Variants in ADK observed in about 807,000 individuals in gnomAD.
ADK encodes the protein adenosine kinase.
Under a neutral mutation model 44.7 loss-of-function variants are expected in ADK, and 24 were observed. That is an observed-to-expected ratio of 0.54 (90% CI 0.39 to 0.76). ADK has a LOEUF of 0.76. ADK is among the 30% of genes least tolerant of loss of function. The pLI is 0.00. For synonymous variants in ADK, 128 were observed against 142.6 expected (o/e 0.90, Z 0.73); for missense variants, 321 against 425.1 (o/e 0.76, Z 2.15).
Position 74,438,232 on chromosome 10 carries a change from C to CTT in ADK, c.555+39665_555+39666dup, listed in dbSNP as rs796123870. On this transcript the variant is annotated intron_variant, in intron 6 of 10. Transcript: ENST00000539909. ...AGGTAAGGTCCTTGCCTCTCTCTCT[C>CTT]TTTTTTTTTTTTTGAGACAGTCTCC... 6.0e-4 allele frequency among the ~76,000 whole-genome samples: 86 copies of CTT among 142,824 alleles called. 1 individual carries two copies. Among genetic ancestry groups the CTT allele is most frequent in the African/African-American group, 1.8e-3 (68 of 38,638 alleles). The allele number at this position is 142,824 out of a possible 152,430, so 93.7% of individuals were successfully genotyped here.
At chr10:74,191,760 C>T (rs1479389387) in intron 1 of ADK, among the ~76,000 whole-genome samples, 1 of 152,118 alleles carries the variant, frequency 6.6e-6, no homozygotes, top group Non-Finnish European at 1.5e-5. Context: ...TAACTATAGA[C>T]GTTATTAGAA....
At chr10:74,581,945 C>CT (rs1202009607) in intron 7 of ADK, among the ~76,000 whole-genome samples, 1 of 152,156 alleles carries the variant, frequency 6.6e-6, no homozygotes. Flanking sequence ...CAATTACCTG[C>CT]TGTATGGCCT....
intron 10 of ADK, among the ~76,000 whole-genome samples, chr10:74,687,954 C>A (rs1855853155): frequency 6.6e-6 from 1 of 152,184 alleles, no homozygotes; most frequent in African/African-American, 2.4e-5. Flanking sequence ...TTATTTCATT[C>A]CCCTGCTTAC....
chr10:74,424,752 C>T (rs1844730722), intron 6 of ADK, among the ~76,000 whole-genome samples: 1 of 151,966 alleles, frequency 6.6e-6, no homozygotes, highest in Admixed American at 6.6e-5. Context: ...TTCTTCAGAT[C>T]TATCTTCCGA....
chr10:74,501,767 A>G (rs917580072), intron 6 of ADK, among the ~76,000 whole-genome samples: 7 of 152,314 alleles, frequency 4.6e-5, no homozygotes, highest in African/African-American at 1.4e-4. Flanking sequence ...CACATATTGT[A>G]TGATTCCATT....
chr10:74,256,813 C>T (rs1014896689), intron 3 of ADK, among the ~76,000 whole-genome samples: 3 of 152,218 alleles, frequency 2.0e-5, no homozygotes, highest in South Asian at 4.1e-4. Flanking sequence ...ATGAACCTAA[C>T]GTGTTTTTAT....
At chr10:74,413,847 C>T (rs1193596319) in intron 6 of ADK, among the ~76,000 whole-genome samples, 1 of 152,212 alleles carries the variant, frequency 6.6e-6, no homozygotes, top group Non-Finnish European at 1.5e-5. Flanking sequence ...ACATGCAACT[C>T]CTCCTTTCAC....
intron 3 of ADK, among the ~76,000 whole-genome samples, chr10:74,268,762 G>C (rs900423962): frequency 1.4e-4 from 21 of 152,178 alleles, no homozygotes; most frequent in Admixed American, 1.2e-3. Context: ...GAAAATGACA[G>C]TTGGTAGATA....
intron 7 of ADK, among the ~76,000 whole-genome samples, chr10:74,542,163 C>G (rs1472914617): frequency 6.6e-6 from 1 of 152,142 alleles, no homozygotes; most frequent in Non-Finnish European, 1.5e-5. Flanking sequence ...ATCGCTTGAG[C>G]CCAGGAGGTC....
At chr10:74,529,700 G>A (rs951297700) in intron 7 of ADK, among the ~76,000 whole-genome samples, 1 of 151,980 alleles carries the variant, frequency 6.6e-6, no homozygotes, top group Non-Finnish European at 1.5e-5. Context: ...TTCTCTTTTG[G>A]TATGATTATT....
chr10:74,364,580 T>G (rs1262878248), intron 4 of ADK, among the ~76,000 whole-genome samples: 1 of 152,186 alleles, frequency 6.6e-6, no homozygotes. Context: ...CTCAGGTTTT[T>G]CTTCTTTTCT....
intron 6 of ADK, among the ~76,000 whole-genome samples, chr10:74,514,953 T>C (rs901730805): frequency 2.0e-5 from 3 of 152,156 alleles, no homozygotes; most frequent in Admixed American, 6.5e-5. Context: ...ACTCCCCAAG[T>C]AGCTGGAACT....
At position 74,412,670 on chromosome 10, in the gene ADK, G is replaced by C. The variant is rs563275702; in HGVS notation, c.555+14091G>C. Among the ~76,000 whole-genome samples, 7 of 152,260 alleles carry C rather than the reference G, an allele frequency of 4.6e-5. No individual in the cohort carries two copies. In the East Asian group the frequency reaches 1.4e-3, roughly 29 times the overall value. ...CATCTTCTTATACGTCTCCATCAGAGCCCTTGGGTTACCAGATGCATTGTT... is the reference window on the plus strand; with the variant it reads ...CATCTTCTTATACGTCTCCATCAGACCCCTTGGGTTACCAGATGCATTGTT... On this transcript the variant is annotated intron_variant, in intron 6 of 10. Transcript: ENST00000539909.
At chr10:74,235,858 C>T (rs919701176) in intron 3 of ADK, among the ~76,000 whole-genome samples, 1 of 152,120 alleles carries the variant, frequency 6.6e-6, no homozygotes, top group Non-Finnish European at 1.5e-5. Context: ...TGCATTAATG[C>T]AGGAGTGGGT....
chr10:74,556,503 C>T (rs1850251930), intron 7 of ADK, among the ~76,000 whole-genome samples: 1 of 152,162 alleles, frequency 6.6e-6, no homozygotes, highest in South Asian at 2.1e-4. Context: ...TAGCTTTGAC[C>T]ACCAGGGACT....
chr10:74,452,100 A>G (rs1164406167), intron 6 of ADK, among the ~76,000 whole-genome samples: 2 of 152,050 alleles, frequency 1.3e-5, no homozygotes, highest in African/African-American at 2.4e-5. Context: ...AGAAAGATAT[A>G]TCTCCCTTGA....
intron 6 of ADK, among the ~76,000 whole-genome samples, chr10:74,484,156 C>T (rs1847183512): frequency 6.6e-6 from 1 of 152,152 alleles, no homozygotes; most frequent in African/African-American, 2.4e-5. Flanking sequence ...GCTCATAGTT[C>T]CGCAGGCTCT....
chr10:74,665,586 T>A (rs1050209030), intron 9 of ADK, among the ~76,000 whole-genome samples: 14 of 151,816 alleles, frequency 9.2e-5, no homozygotes, highest in African/African-American at 3.1e-4. Flanking sequence ...AATTTAAAAA[T>A]TAGCCAGGCA....
At chr10:74,563,371 A>G (rs1850532387) in intron 7 of ADK, among the ~76,000 whole-genome samples, 1 of 152,138 alleles carries the variant, frequency 6.6e-6, no homozygotes, top group Non-Finnish European at 1.5e-5. Flanking sequence ...TAAGTCTCAA[A>G]TATTTTCTCA....
Sources: gnomAD v4.1 joint callset for allele counts (sites outside exome capture counted in the v4.1 genomes callset) on GRCh38, gnomAD v4.1.1 for gene constraint, MANE v1.5 for transcripts, NCBI Gene and HGNC (gene_info 2026-07-23, HGNC 2026-07-21) for gene names.